GDPD3: variants seen among roughly 807,000 people sequenced by gnomAD.
The protein encoded by GDPD3 is lysophospholipase D GDPD3.
GDPD3 carries 40 observed loss-of-function variants against 43.7 expected under a neutral mutation model. The ratio of observed to expected loss-of-function variants is 0.91; its 90% CI spans 0.71 to 1.19. The LOEUF (loss-of-function observed/expected upper bound fraction) is 1.19, where lower values mean the gene tolerates loss of function less well. Ranked by LOEUF, GDPD3 falls within the 50% of genes most tolerant of loss-of-function variation. The pLI, the probability that GDPD3 is intolerant of heterozygous loss-of-function variation, is 0.00. For synonymous variants in GDPD3, 145 were observed against 162.9 expected (o/e 0.89, Z 0.84); for missense variants, 363 against 415.8 (o/e 0.87, Z 1.11).
chr16:30,108,108 G>A (rs2072872810), intron 9 of GDPD3, 105 bp downstream of exon 9: 3 of 907,612 alleles, frequency 3.3e-6, no homozygotes, highest in Non-Finnish European at 5.0e-6. Context: ...CGAAGAAACT[G>A]AGGTGAGGTC....
intron 9 of GDPD3, among the ~76,000 whole-genome samples, chr16:30,106,705 A>T (rs1373813690): frequency 2.6e-5 from 4 of 151,406 alleles, no homozygotes; most frequent in Non-Finnish European, 4.4e-5. Flanking sequence ...TTAATATTTT[A>T]TTTATTTATT....
chr16:30,110,123 A>G (rs1179291935), intron 7 of GDPD3, among the ~76,000 whole-genome samples: 1 of 151,934 alleles, frequency 6.6e-6, no homozygotes, highest in African/African-American at 2.4e-5. Context: ...TCAACCCAAA[A>G]TATGTTAAAA....
Position 30,112,370 on chromosome 16 carries a change from T to A in GDPD3, c.419A>T (p.Gln140Leu), listed in dbSNP as rs763502423. 6.2e-7 allele frequency: 1 copy of A among 1,614,224 alleles called. No individual in the cohort carries two copies. Among genetic ancestry groups the A allele is most frequent in the Non-Finnish European group, 8.5e-7 (1 of 1,180,042 alleles). The change falls in exon 5 of 10, where the codon CAG (glutamine) becomes CTG (leucine). Residue 140 changes from glutamine to leucine, a missense_variant. By Grantham distance (113) the Gln-to-Leu change is moderately radical. Transcript: ENST00000406256. The surrounding 1 kb of genome is among the most constrained non-coding windows in gnomAD (Gnocchi z 5.4). ...GCTCATGGGTGTCCTTGGAAACCTC[T>A]GGAACAGGTCCTCCAGACGAACCAT... Reference protein sequence around the residue: ...RRMVRLEDLFQRFPRTPMSVE... With the variant: ...RRMVRLEDLFLRFPRTPMSVE...
At chr16:30,111,263 C>T (rs2089592212) in intron 7 of GDPD3, 125 bp downstream of exon 7, 1 of 1,065,248 alleles carries the variant, frequency 9.4e-7, no homozygotes, top group Non-Finnish European at 1.4e-6. Flanking sequence ...GTAAGAACCA[C>T]TGTCCTTAAA....
intron 6 of GDPD3, 150 bp from the exon 7 acceptor site, chr16:30,111,671 G>A (rs1381915691): frequency 6.3e-6 from 5 of 794,866 alleles, no homozygotes; most frequent in East Asian, 2.5e-5. Flanking sequence ...GGTGGCTCAC[G>A]CCTGTAACCT....
rs753022948 is a variant in GDPD3 at position 30,104,830 on chromosome 16, A to G, written c.*42T>C. On this transcript the variant is annotated 3_prime_UTR_variant, in exon 10 of 10. Coordinates refer to ENST00000406256, the MANE Select transcript of GDPD3 (RefSeq NM_024307.3). ...CGATGTGATCGAAAGGCAAATATTT[A>G]TTTTTCAGGAAGAGAAACAGGAGAC... 1 of 1,602,652 alleles carries G rather than the reference A, an allele frequency of 6.2e-7. No individual in the cohort carries two copies. The highest frequency in any genetic ancestry group is 1.3e-5 in the African/African-American group (1 of 74,392).
At position 30,112,248 on chromosome 16, in the gene GDPD3, G is replaced by A. The variant is rs758698365; in HGVS notation, c.484-27C>T. ...TGGGAGGAGGAGAAGGAGGTGAAGGGAGAGCCAGGCCTCTCTCACGCCCCC... is the reference window on the plus strand; with the variant it reads ...TGGGAGGAGGAGAAGGAGGTGAAGGAAGAGCCAGGCCTCTCTCACGCCCCC... On this transcript the variant is annotated intron_variant, in intron 5 of 9. Transcript: ENST00000406256. This position sits in a 1 kb window ranked among gnomAD's most constrained non-coding sequence, Gnocchi z 5.4. The A allele has an allele frequency of 2.5e-6, 4 of 1,613,566 alleles. No individual in the cohort carries two copies. The highest frequency in any genetic ancestry group is 3.4e-6 in the Non-Finnish European group (4 of 1,179,430).
intron 9 of GDPD3, 114 bp downstream of exon 9, chr16:30,108,099 G>A (rs937082334): frequency 1.2e-5 from 10 of 802,994 alleles, no homozygotes; most frequent in African/African-American, 6.9e-5. Flanking sequence ...TTTTAGGGAC[G>A]AAGAAACTGA....
chr16:30,109,021 A>G (rs187223588), intron 7 of GDPD3, among the ~76,000 whole-genome samples: 2,866 of 152,034 alleles, frequency 0.019, 32 homozygotes, highest in Non-Finnish European at 0.025. Context: ...TAGTAGAGAC[A>G]GGGTTTCACC....
At chr16:30,111,210 AT>A in intron 7 of GDPD3, 177 bp downstream of exon 7, 1 of 683,598 alleles carries the variant, frequency 1.5e-6, no homozygotes, top group Non-Finnish European at 2.5e-6. Flanking sequence ...TATGCACAGA[AT>A]TTCAGGGTGT....
At chr16:30,108,298 T>C (rs930094251) in intron 8 of GDPD3, 34 bp from the exon 9 acceptor site, 5 of 1,612,414 alleles carry the variant, frequency 3.1e-6, no homozygotes, top group South Asian at 1.1e-5. Context: ...GAGGTGATGA[T>C]GAGAGGGGAC....
intron 7 of GDPD3, among the ~76,000 whole-genome samples, chr16:30,109,145 T>G (rs1247663371): frequency 6.6e-6 from 1 of 152,144 alleles, no homozygotes; most frequent in African/African-American, 2.4e-5. Flanking sequence ...AAAATTTTTG[T>G]AGAGACATGT....
chr16:30,106,816 C>T (rs751498014), intron 9 of GDPD3, among the ~76,000 whole-genome samples: 9 of 152,022 alleles, frequency 5.9e-5, no homozygotes, highest in African/African-American at 1.4e-4. Context: ...AAGTGATTCT[C>T]GTGCTTGAGC....
rs1567352315 is a variant in GDPD3 at position 30,113,199 on chromosome 16, ATCT to A, written c.139+138_140-136del. 1 of 1,368,178 alleles carries A rather than the reference ATCT, an allele frequency of 7.3e-7. No individual in the cohort carries two copies. Among genetic ancestry groups the A allele is most frequent in the Non-Finnish European group, 1.0e-6 (1 of 993,802 alleles). 84.8% of individuals were successfully genotyped at this position (1,368,178 alleles called of 1,614,324 possible). A position where few individuals can be genotyped will look rare whatever the true frequency, so the allele number is the denominator to read the frequency against. ...CCCAGCCAGCCCAGGCTGCGCCAGC[ATCT>A]TCTTCCTCGTCCACACCCTGCCCTG... is the stretch of plus-strand genomic sequence containing the variant. On this transcript the variant is annotated intron_variant, in intron 1 of 9. Coordinates refer to ENST00000406256, the MANE Select transcript of GDPD3 (RefSeq NM_024307.3). The surrounding 1 kb of genome is among the most constrained non-coding windows in gnomAD (Gnocchi z 5.9).
At chr16:30,109,807 AAAACAAACAAAC>A (rs563237910) in intron 7 of GDPD3, among the ~76,000 whole-genome samples, 33 of 152,280 alleles carry the variant, frequency 2.2e-4, no homozygotes, top group African/African-American at 7.7e-4. Context: ...CTCCGTCTCA[AAAACAAACAAAC>A]AAACAAAAAA....
In GDPD3 at chr16:30,108,216, C is replaced by G; in HGVS notation, c.816G>C (p.Val272=). 6.3e-7 allele frequency: 1 copy of G among 1,598,958 alleles called. No homozygotes were observed. The highest frequency in any genetic ancestry group is 1.1e-5 in the South Asian group (1 of 88,568). Residue 272 remains valine, a synonymous_variant, in exon 9 of 10, where the codon GTG becomes GTC. Coordinates refer to ENST00000406256, the MANE Select transcript of GDPD3 (RefSeq NM_024307.3). The part of the protein sequence containing the change: ...SLIRHLEERG[V]QVVFWCLNEE... Reference sequence around the variant, plus strand: ...GAAGTGGTGGTCACGGCCTCACCTGCACCCCTCGCTCCTCCAAGTGTCGGA... The same window carrying G: ...GAAGTGGTGGTCACGGCCTCACCTGGACCCCTCGCTCCTCCAAGTGTCGGA...
At chr16:30,107,029 C>A (rs1270981544) in intron 9 of GDPD3, among the ~76,000 whole-genome samples, 1 of 151,810 alleles carries the variant, frequency 6.6e-6, no homozygotes, top group Non-Finnish European at 1.5e-5. Flanking sequence ...TCTTTTCTTT[C>A]CCTTTTCCTT....
In GDPD3 at chr16:30,108,981, G is replaced by C. The variant is rs368367525; in HGVS notation, c.708-549C>G. Among the ~76,000 whole-genome samples, 9 of 151,600 alleles carry C rather than the reference G, an allele frequency of 5.9e-5. No individual in the cohort carries two copies. In the East Asian group the frequency reaches 1.6e-3, roughly 27 times the overall value. On this transcript the variant is annotated intron_variant, in intron 7 of 9. Coordinates refer to ENST00000406256, the MANE Select transcript of GDPD3 (RefSeq NM_024307.3). The stretch of plus-strand genomic sequence containing the variant: ...TGAGTAGCTGGGACTACAGGTGCCC[G>C]CCACCACGCCTGCTAATTTTTTGTA...
In GDPD3 at chr16:30,113,184, C is replaced by G; in HGVS notation, c.140-120G>C. The G allele has an allele frequency of 1.5e-6, 2 of 1,341,756 alleles. No homozygotes were observed. The highest frequency in any genetic ancestry group is 2.3e-5 in the East Asian group (1 of 43,380). 83.1% of individuals were successfully genotyped at this position (1,341,756 alleles called of 1,614,324 possible). On this transcript the variant is annotated intron_variant, in intron 1 of 9. Transcript: ENST00000406256. This position sits in a 1 kb window ranked among gnomAD's most constrained non-coding sequence, Gnocchi z 5.9. ...CTCTGGCCTCACCTCCCCAGCCAGC[C>G]CAGGCTGCGCCAGCATCTTCTTCCT... is the stretch of plus-strand genomic sequence containing the variant.
Sources: gnomAD v4.1 joint callset for allele counts (sites outside exome capture counted in the v4.1 genomes callset) on GRCh38, gnomAD v4.1.1 for gene constraint, Gnocchi (gnomAD v3.1) non-coding constraint, MANE v1.5 for transcripts, NCBI Gene and HGNC (gene_info 2026-07-23, HGNC 2026-07-21) for gene names.